Variants in KALRN observed in about 807,000 individuals in gnomAD.
KALRN encodes kalirin.
A neutral mutation model predicts 353.7 loss-of-function variants in KALRN; 70 were observed. The ratio of observed to expected loss-of-function variants is 0.20; its 90% confidence interval spans 0.16 to 0.24. The LOEUF is 0.24. Ranked by LOEUF, KALRN falls within the 10% of genes least tolerant of loss-of-function variation. The pLI is 1.00. For missense variants in KALRN, 2,791 were observed against 3,756.7 expected, an observed-to-expected ratio of 0.74 and a Z score of 6.72; for synonymous variants, 1,391 against 1,434.8, an observed-to-expected ratio of 0.97 and a Z score of 0.69.
intron 9 of KALRN, among the ~76,000 whole-genome samples, chr3:124,339,890 A>T (rs1208262990): frequency 6.6e-6 from 1 of 152,218 alleles, no homozygotes; most frequent in African/African-American, 2.4e-5. Flanking sequence ...TTCAAATAAG[A>T]TGACTTATCA....
chr3:124,260,600 G>T (rs542473126), intron 3 of KALRN, among the ~76,000 whole-genome samples: 2 of 152,128 alleles, frequency 1.3e-5, no homozygotes, highest in African/African-American at 4.8e-5. Flanking sequence ...TCCTTTGGGC[G>T]GAGAGTATTA....
At chr3:124,389,216 G>C (rs2088942106) in intron 11 of KALRN, among the ~76,000 whole-genome samples, 1 of 152,004 alleles carries the variant, frequency 6.6e-6, no homozygotes, top group South Asian at 2.1e-4. Flanking sequence ...GTAAAAGAAT[G>C]TCCTCATAGT....
chr3:124,661,812 C>A, intron 44 of KALRN, 39 bp from the exon 45 acceptor site: 4 of 1,520,056 alleles, frequency 2.6e-6, no homozygotes, highest in Non-Finnish European at 3.7e-6. Flanking sequence ...TGCCTGAGTG[C>A]TGTTCCCCCT....
At chr3:124,597,018 A>G (rs1419634556) in intron 34 of KALRN, among the ~76,000 whole-genome samples, 1 of 152,148 alleles carries the variant, frequency 6.6e-6, no homozygotes, top group Non-Finnish European at 1.5e-5. Flanking sequence ...ATGGCACTCC[A>G]ATCTAGGTGA....
intron 3 of KALRN, among the ~76,000 whole-genome samples, chr3:124,254,512 C>T (rs1440153756): frequency 1.3e-5 from 2 of 151,684 alleles, no homozygotes; most frequent in Non-Finnish European, 2.9e-5. Flanking sequence ...TGATTTTACC[C>T]TTTCCTTGTG....
intron 11 of KALRN, among the ~76,000 whole-genome samples, chr3:124,388,012 A>G (rs1264149078): frequency 6.6e-6 from 1 of 152,046 alleles, no homozygotes; most frequent in Non-Finnish European, 1.5e-5. Context: ...ATGCACATAT[A>G]TGTATATGTA....
In KALRN at chr3:124,725,126, C is replaced by T. The variant is rs2063403786; in HGVS notation, c.*5656C>T. Reference sequence around the variant, plus strand: ...GGATGGCCATCATATGAGTTTCCATCAATACCTGACTTCCATCAACAACTG... The same window carrying T: ...GGATGGCCATCATATGAGTTTCCATTAATACCTGACTTCCATCAACAACTG... On this transcript the variant is annotated 3_prime_UTR_variant, in exon 60 of 60. Transcript: ENST00000682506. 1 of 152,178 alleles carries T rather than the reference C, an allele frequency of 6.6e-6. No individual in the cohort carries two copies. The highest frequency in any genetic ancestry group is 1.5e-5 in the Non-Finnish European group (1 of 68,018). 9.4% of individuals were successfully genotyped at this position (152,178 alleles called of 1,614,324 possible). A position where few individuals can be genotyped will look rare whatever the true frequency, so the allele number is the denominator to read the frequency against.
At chr3:124,248,640 T>C (rs947407195) in intron 3 of KALRN, among the ~76,000 whole-genome samples, 1 of 152,250 alleles carries the variant, frequency 6.6e-6, no homozygotes, top group Non-Finnish European at 1.5e-5. Flanking sequence ...AATTCAAGCA[T>C]GTGTCCTGAT....
At chr3:124,366,914 G>A (rs1413434104) in intron 10 of KALRN, among the ~76,000 whole-genome samples, 1 of 134,708 alleles carries the variant, frequency 7.4e-6, no homozygotes, top group Non-Finnish European at 1.6e-5. Flanking sequence ...CGGATGGGGT[G>A]GCTGGCCGGG....
intron 34 of KALRN, among the ~76,000 whole-genome samples, chr3:124,588,918 C>T (rs1282513762): frequency 1.3e-5 from 2 of 152,320 alleles, no homozygotes; most frequent in East Asian, 3.9e-4. Flanking sequence ...CTGAGATAGT[C>T]CAGCCACCTG....
At chr3:124,407,963 C>T (rs1393568293) in intron 13 of KALRN, among the ~76,000 whole-genome samples, 5 of 151,936 alleles carry the variant, frequency 3.3e-5, no homozygotes, top group African/African-American at 7.3e-5. Flanking sequence ...TTAGTAGAGA[C>T]GGGGTTTCAC....
chr3:124,719,738 CA>C lies in KALRN; in HGVS notation c.*270del, dbSNP rs1446181159. On this transcript the variant is annotated 3_prime_UTR_variant, in exon 60 of 60. Transcript: ENST00000682506. This position sits in a 1 kb window ranked among gnomAD's most constrained non-coding sequence, Gnocchi z 5.3. Reference sequence around the variant, plus strand: ...TTCAGAAGAAGGGCAAAGATAAGAACAATATTAGCTGTTACGAAATTTTAAC... The same window carrying C: ...TTCAGAAGAAGGGCAAAGATAAGAACATATTAGCTGTTACGAAATTTTAAC... 1.3e-5 allele frequency: 5 copies of C among 378,750 alleles called. No individual in the cohort carries two copies. Among genetic ancestry groups the C allele is most frequent in the African/African-American group, 2.0e-5 (1 of 49,850 alleles). 23.5% of individuals were successfully genotyped at this position (378,750 alleles called of 1,614,324 possible).
intron 5 of KALRN, among the ~76,000 whole-genome samples, chr3:124,275,657 A>G (rs1274834192): frequency 6.6e-6 from 1 of 152,214 alleles, no homozygotes; most frequent in African/African-American, 2.4e-5. Context: ...TATTTCAGTT[A>G]TGATTTACTC....
In KALRN at chr3:124,492,777, A is replaced by G. The variant is rs1377489600; in HGVS notation, c.4727A>G (p.Asn1576Ser). The G allele has an allele frequency of 1.2e-6, 2 of 1,614,086 alleles. No homozygotes were observed. The highest frequency in any genetic ancestry group is 2.2e-5 in the South Asian group (2 of 91,076). The change falls in exon 32 of 60, where the codon AAC (asparagine) becomes AGC (serine). Residue 1576 changes from asparagine (N) to serine (S), a missense_variant. Asn to Ser is a conservative substitution (Grantham distance 46, BLOSUM62 1). This residue lies in a region of KALRN where 239 missense variants were observed against 351.3 expected (regional missense o/e 0.68). Coordinates refer to ENST00000682506, the MANE Select transcript of KALRN (RefSeq NM_001388419.1). Reference sequence around the variant, plus strand: ...GAAACCAAGCAGGAGTGGATCAAGAACATTCGAGAAGTGATTCAAGAAAGG... The same window carrying G: ...GAAACCAAGCAGGAGTGGATCAAGAGCATTCGAGAAGTGATTCAAGAAAGG... Reference protein sequence around the residue: ...NIETKQEWIKNIREVIQERII... With the variant: ...NIETKQEWIKSIREVIQERII...
chr3:124,133,177 T>C (rs868228977), intron 1 of KALRN, among the ~76,000 whole-genome samples: 4 of 152,208 alleles, frequency 2.6e-5, no homozygotes, highest in African/African-American at 9.7e-5. Flanking sequence ...ATATCCTTAG[T>C]GGTGATTAAA....
chr3:124,357,840 C>T (rs1306398907), intron 10 of KALRN, among the ~76,000 whole-genome samples: 1 of 152,202 alleles, frequency 6.6e-6, no homozygotes, highest in Non-Finnish European at 1.5e-5. Context: ...ATGCCTAGCA[C>T]AGTGGTGACC....
At chr3:124,532,533 TG>T (rs1171983072) in intron 33 of KALRN, among the ~76,000 whole-genome samples, 2 of 152,152 alleles carry the variant, frequency 1.3e-5, no homozygotes, top group Non-Finnish European at 2.9e-5. Flanking sequence ...AGGCTGGGCA[TG>T]GTGGCTCATG....
At chr3:124,537,194 A>G (rs2109262248) in intron 33 of KALRN, among the ~76,000 whole-genome samples, 1 of 152,276 alleles carries the variant, frequency 6.6e-6, no homozygotes, top group Non-Finnish European at 1.5e-5. Context: ...GGCAGGTGCC[A>G]CTACGCCCAG....
rs112678377 is a variant in KALRN, at chr3:124,630,971, A to T, written c.5183-1449A>T. Among the ~76,000 whole-genome samples, 1,066 of 151,964 alleles carry T rather than the reference A, an allele frequency of 7.0e-3. 11 individuals are homozygous for T. Among genetic ancestry groups the T allele is most frequent in the African/African-American group, 0.024 (1,007 of 41,430 alleles). The stretch of plus-strand genomic sequence containing the variant: ...ATTAGGCCATGGCCCCCTCCATTCC[A>T]CTACAGCTGCTTTTTTCAAAGTCAC... On this transcript the variant is annotated intron_variant, in intron 34 of 59. Coordinates refer to ENST00000682506, the MANE Select transcript of KALRN (RefSeq NM_001388419.1).
Sources: allele counts gnomAD v4.1 joint callset (sites outside exome capture counted in the v4.1 genomes callset), GRCh38; gene constraint gnomAD v4.1.1; regional missense constraint gnomAD v4.1.1; non-coding constraint Gnocchi (gnomAD v3.1); transcripts MANE v1.5; gene names NCBI Gene and HGNC (gene_info 2026-07-23, HGNC 2026-07-21).